DPH6: variants seen among roughly 807,000 people sequenced by gnomAD.
DPH6 encodes the protein diphthine--ammonia ligase.
A neutral mutation model predicts 38.2 loss-of-function variants in DPH6; 33 were observed. The ratio of observed to expected loss-of-function variants is 0.86; its 90% CI spans 0.65 to 1.15. The LOEUF (loss-of-function observed/expected upper bound fraction) is 1.15. Ranked by LOEUF, DPH6 falls within the 50% of genes most tolerant of loss-of-function variation. The pLI is 0.00. For synonymous variants in DPH6, 108 were observed against 103.0 expected (o/e 1.05, Z -0.30); for missense variants, 325 against 320.0 (o/e 1.02, Z -0.12).
chr15:35,288,661 C>A (rs771619898), intron 3 of DPH6, among the ~76,000 whole-genome samples: 2 of 152,130 alleles, frequency 1.3e-5, no homozygotes, highest in African/African-American at 2.4e-5. Context: ...CAAGATGCAT[C>A]GCTCTATCAA....
At chr15:35,518,313 T>C (rs571976493) in intron 3 of DPH6, among the ~76,000 whole-genome samples, 29 of 152,000 alleles carry the variant, frequency 1.9e-4, no homozygotes, top group Non-Finnish European at 4.1e-4. Context: ...AAAAGCTCCA[T>C]TTTCATCTAT....
intron 3 of DPH6, among the ~76,000 whole-genome samples, chr15:35,500,158 T>C (rs1220083559): frequency 2.0e-5 from 3 of 152,320 alleles, no homozygotes; most frequent in African/African-American, 7.2e-5. Flanking sequence ...CAGTCCATGC[T>C]ACAATATAAT....
chr15:35,353,896 T>C (rs1189525141), intron 3 of DPH6, among the ~76,000 whole-genome samples: 1 of 152,248 alleles, frequency 6.6e-6, no homozygotes, highest in Admixed American at 6.5e-5. Context: ...ACGATATTGA[T>C]TCTTCCTATC....
intron 3 of DPH6, among the ~76,000 whole-genome samples, chr15:35,250,896 A>G (rs534860596): frequency 3.9e-5 from 6 of 152,206 alleles, no homozygotes; most frequent in Non-Finnish European, 7.3e-5. Flanking sequence ...TTTTAAATGT[A>G]TATTCCCATA....
intron 3 of DPH6, among the ~76,000 whole-genome samples, chr15:35,483,364 T>C (rs2054353351): frequency 6.6e-6 from 1 of 151,810 alleles, no homozygotes; most frequent in African/African-American, 2.4e-5. Context: ...CTCAAGAGGC[T>C]GAGGCAGGAG....
At chr15:35,353,658 T>A (rs2052534951) in intron 3 of DPH6, among the ~76,000 whole-genome samples, 1 of 152,224 alleles carries the variant, frequency 6.6e-6, no homozygotes, top group Non-Finnish European at 1.5e-5. Context: ...TTGGTACCAG[T>A]AGCATGCTGT....
intron 7 of DPH6, among the ~76,000 whole-genome samples, chr15:35,376,924 T>A (rs2052788887): frequency 6.6e-6 from 1 of 152,190 alleles, no homozygotes. Flanking sequence ...TCTCAGAATG[T>A]TTCCACATTA....
intron 3 of DPH6, among the ~76,000 whole-genome samples, chr15:35,310,350 G>T (rs1047294109): frequency 2.6e-5 from 4 of 152,096 alleles, no homozygotes; most frequent in African/African-American, 9.7e-5. Context: ...CTTAAAAAGG[G>T]CCAGTAAGGG....
At chr15:35,384,001 C>A (rs1443951617) in intron 6 of DPH6, among the ~76,000 whole-genome samples, 1 of 152,212 alleles carries the variant, frequency 6.6e-6, no homozygotes, top group Non-Finnish European at 1.5e-5. Flanking sequence ...CAGATGTGCA[C>A]ATTCTAGACA....
intron 3 of DPH6, among the ~76,000 whole-genome samples, chr15:35,363,728 C>A (rs1250959005): frequency 2.0e-5 from 3 of 151,564 alleles, no homozygotes; most frequent in East Asian, 1.9e-4. Flanking sequence ...TTTTCTATTG[C>A]CTTTTAAAAA....
intron 3 of DPH6, among the ~76,000 whole-genome samples, chr15:35,317,285 G>A (rs2052198978): frequency 7.0e-6 from 1 of 143,626 alleles, no homozygotes; most frequent in African/African-American, 2.6e-5. Flanking sequence ...AAGAGAGAGA[G>A]AGAGAAAGAA....
At chr15:35,513,463 G>C (rs957192565) in intron 3 of DPH6, among the ~76,000 whole-genome samples, 4 of 151,782 alleles carry the variant, frequency 2.6e-5, no homozygotes, top group Non-Finnish European at 4.4e-5. Flanking sequence ...GAAGACAGAT[G>C]AACATCAAAA....
the DPH6 span, among the ~76,000 whole-genome samples, chr15:35,171,098 T>C: frequency 6.6e-6 from 1 of 152,350 alleles, no homozygotes; most frequent in African/African-American, 2.4e-5. Context: ...GTGACATTCA[T>C]TGTAAAGAGA....
intron 3 of DPH6, among the ~76,000 whole-genome samples, chr15:35,509,692 TGTTTGAAAAG>T (rs1466187599): frequency 1.3e-5 from 2 of 152,232 alleles, no homozygotes; most frequent in African/African-American, 4.8e-5. Context: ...TTTAAAATAA[TGTTTGAAAAG>T]GTTTGAAAAA....
At chr15:35,285,871 A>ATTTTTTTTTTTTTTT (rs1566859769) in intron 3 of DPH6, among the ~76,000 whole-genome samples, 3 of 2,860 alleles carry the variant, frequency 1.0e-3, no homozygotes, top group Admixed American at 5.4e-3. Flanking sequence ...TTTATCTTTG[A>ATTTTTTTTTTTTTTT]GTTTTTTTTT....
At chr15:35,499,916 G>A (rs564577265) in intron 3 of DPH6, among the ~76,000 whole-genome samples, 6 of 152,266 alleles carry the variant, frequency 3.9e-5, no homozygotes, top group African/African-American at 7.2e-5. Context: ...TACCATTCCC[G>A]TAACAACCAG....
intron 5 of DPH6, among the ~76,000 whole-genome samples, chr15:35,429,846 G>A (rs754007553): frequency 4.6e-5 from 7 of 151,962 alleles, no homozygotes; most frequent in African/African-American, 7.2e-5. Flanking sequence ...TTTTGTTAAC[G>A]CTGTTTTATC....
At chr15:35,389,389 A>C (rs1320740780) in intron 6 of DPH6, among the ~76,000 whole-genome samples, 1 of 152,080 alleles carries the variant, frequency 6.6e-6, no homozygotes. Flanking sequence ...CAATTCCAGG[A>C]TATCCTTGTT....
chr15:35,432,130 G>C (rs1243262383), intron 5 of DPH6, among the ~76,000 whole-genome samples: 2 of 152,090 alleles, frequency 1.3e-5, no homozygotes, highest in Non-Finnish European at 2.9e-5. Flanking sequence ...ATGCTATAAA[G>C]GTGGATGAAG....
Sources: allele counts gnomAD v4.1 joint callset (sites outside exome capture counted in the v4.1 genomes callset), GRCh38; gene constraint gnomAD v4.1.1; transcripts MANE v1.5; gene names NCBI Gene and HGNC (gene_info 2026-07-23, HGNC 2026-07-21).